The following ZFHX3 variants were observed in gnomAD, a reference collection of about 807,000 sequenced individuals.
ZFHX3 encodes zinc finger homeobox 3.
In ZFHX3, 42 loss-of-function variants were observed where a neutral mutation model predicts 279.1. That is an observed-to-expected ratio of 0.15 (90% CI 0.12 to 0.19). The LOEUF is 0.19. ZFHX3 is among the 10% of genes least tolerant of loss of function. ZFHX3 has a pLI of 1.00. For missense variants in ZFHX3, 4,981 were observed against 4,754.0 expected (o/e 1.05, Z -1.40); for synonymous variants, 2,293 against 1,957.8 (o/e 1.17, Z -4.52).
chr16:73,136,873 G>A (rs1349567244), intron 6 of ZFHX3, among the ~76,000 whole-genome samples: 1 of 150,776 alleles, frequency 6.6e-6, no homozygotes. Flanking sequence ...TACAATACTT[G>A]GTGATTTGCA....
At chr16:73,409,685 G>T (rs1452269278) in intron 3 of ZFHX3, among the ~76,000 whole-genome samples, 1 of 152,214 alleles carries the variant, frequency 6.6e-6, no homozygotes, top group Non-Finnish European at 1.5e-5. Context: ...TTGCAGCACT[G>T]TTCACAACAG....
At chr16:72,849,818 C>G (rs1379736071) in intron 4 of ZFHX3, among the ~76,000 whole-genome samples, 1 of 134,260 alleles carries the variant, frequency 7.4e-6, no homozygotes, top group East Asian at 2.3e-4. Flanking sequence ...CAGCTCTCAG[C>G]TGACTTCCAG....
rs565676980 is a variant in ZFHX3, at chr16:72,936,672, G to A, written c.3216+13797C>T. 3.9e-5 allele frequency among the ~76,000 whole-genome samples: 6 copies of A among 152,320 alleles called. No individual in the cohort carries two copies. The East Asian group carries it at 1.2e-3, about 29-fold the overall frequency. ...TGCAGTGTAGGGGGCAAAGGGGAGA[G>A]GGTTGTAAAATGAGGTCAGCATGGT... is the stretch of plus-strand genomic sequence containing the variant. On this transcript the variant is annotated intron_variant, in intron 3 of 9. Coordinates refer to ENST00000268489, the MANE Select transcript of ZFHX3 (RefSeq NM_006885.4).
intron 1 of ZFHX3, among the ~76,000 whole-genome samples, chr16:73,691,602 T>C (rs1433421397): frequency 6.6e-6 from 1 of 152,212 alleles, no homozygotes; most frequent in Non-Finnish European, 1.5e-5. Flanking sequence ...ATCGATATCA[T>C]ATAATCTTTA....
intron 5 of ZFHX3, among the ~76,000 whole-genome samples, chr16:73,202,275 AT>A (rs2011631432): frequency 6.6e-6 from 1 of 152,232 alleles, no homozygotes; most frequent in Non-Finnish European, 1.5e-5. Flanking sequence ...CATTAAAAGA[AT>A]GTGTTCATTT....
At chr16:73,489,779 A>T (rs538228242) in intron 2 of ZFHX3, among the ~76,000 whole-genome samples, 1 of 152,246 alleles carries the variant, frequency 6.6e-6, no homozygotes, top group African/African-American at 2.4e-5. Context: ...CAGAATGCTT[A>T]AAACAATTTT....
intron 3 of ZFHX3, among the ~76,000 whole-genome samples, chr16:72,925,603 G>T (rs116940740): frequency 6.6e-6 from 1 of 152,216 alleles, no homozygotes; most frequent in Non-Finnish European, 1.5e-5. Flanking sequence ...ACTTAACCCC[G>T]TCCCGTGTCT....
intron 2 of ZFHX3, among the ~76,000 whole-genome samples, chr16:73,457,085 CT>C (rs2018384959): frequency 6.6e-6 from 1 of 152,208 alleles, no homozygotes; most frequent in African/African-American, 2.4e-5. Flanking sequence ...GTAGCGGAGC[CT>C]TGTGCTTCTG....
intron 2 of ZFHX3, among the ~76,000 whole-genome samples, chr16:73,466,051 A>G (rs1489604147): frequency 6.6e-6 from 1 of 152,118 alleles, no homozygotes; most frequent in Non-Finnish European, 1.5e-5. Flanking sequence ...GGGTCTGAAG[A>G]TTCCAGTATG....
At chr16:73,711,455 A>C (rs1873725) in intron 1 of ZFHX3, among the ~76,000 whole-genome samples, 1 of 152,122 alleles carries the variant, frequency 6.6e-6, no homozygotes, top group Non-Finnish European at 1.5e-5. Flanking sequence ...GAGAGACTTT[A>C]TAAATGCAAA....
chr16:73,225,347 G>A (rs1043763280), intron 5 of ZFHX3, among the ~76,000 whole-genome samples: 5 of 152,118 alleles, frequency 3.3e-5, no homozygotes, highest in African/African-American at 1.2e-4. Context: ...CTGGTGTGGT[G>A]GCTCACACTT....
At chr16:73,839,244 C>T (rs1358598492) in intron 1 of ZFHX3, among the ~76,000 whole-genome samples, 1 of 143,112 alleles carries the variant, frequency 7.0e-6, no homozygotes, top group Admixed American at 7.4e-5. Context: ...CGCCTGTATT[C>T]CCAGCTACTT....
intron 1 of ZFHX3, among the ~76,000 whole-genome samples, chr16:73,739,540 G>C (rs2053635785): frequency 6.6e-6 from 1 of 152,120 alleles, no homozygotes; most frequent in African/African-American, 2.4e-5. Context: ...AGGAGATGAG[G>C]TGTCTGGAGC....
chr16:73,343,379 A>G (rs980567658), intron 3 of ZFHX3, among the ~76,000 whole-genome samples: 1 of 152,174 alleles, frequency 6.6e-6, no homozygotes, highest in African/African-American at 2.4e-5. Context: ...AGCTCAGGTA[A>G]GTTATAGCTG....
rs149933229 is a variant in ZFHX3 at position 73,774,855 on chromosome 16, T to G, written c.-1607-94615A>C. Among the ~76,000 whole-genome samples, 31 of 152,306 alleles carry G rather than the reference T, an allele frequency of 2.0e-4. No homozygotes were observed. The East Asian group carries it at 5.2e-3, about 26-fold the overall frequency. The stretch of plus-strand genomic sequence containing the variant: ...TGTTCACAGGACTTATTTCGAGACC[T>G]GAACCTTGCATGAATTGCTCCTAAT... On this transcript the variant is annotated intron_variant, in intron 1 of 17. Transcript: ENST00000641206.
chr16:73,056,181 C>T (rs954951772), intron 1 of ZFHX3, among the ~76,000 whole-genome samples: 2 of 152,128 alleles, frequency 1.3e-5, no homozygotes, highest in Non-Finnish European at 2.9e-5. Flanking sequence ...TTACGAAATC[C>T]TCTTCGTACA....
chr16:73,700,438 C>G (rs1308954453), intron 1 of ZFHX3, among the ~76,000 whole-genome samples: 1 of 152,038 alleles, frequency 6.6e-6, no homozygotes, highest in African/African-American at 2.4e-5. Flanking sequence ...ATTCCTCAAG[C>G]GTGTGTTACT....
At chr16:73,578,501 T>C (rs1208517344) in intron 2 of ZFHX3, among the ~76,000 whole-genome samples, 1 of 152,208 alleles carries the variant, frequency 6.6e-6, no homozygotes, top group Non-Finnish European at 1.5e-5. Flanking sequence ...GCTAAGAGGC[T>C]TTATGATTCT....
intron 2 of ZFHX3, among the ~76,000 whole-genome samples, chr16:73,534,460 A>T (rs552284406): frequency 6.6e-6 from 1 of 152,198 alleles, no homozygotes; most frequent in African/African-American, 2.4e-5. Context: ...ATCACCTTCT[A>T]CTACATGCTA....
Sources: gnomAD v4.1 joint callset for allele counts (sites outside exome capture counted in the v4.1 genomes callset) on GRCh38, gnomAD v4.1.1 for gene constraint, MANE v1.5 for transcripts, NCBI Gene and HGNC (gene_info 2026-07-23, HGNC 2026-07-21) for gene names.